Variants in KIAA0825 observed in about 807,000 individuals in gnomAD.
The protein encoded by KIAA0825 is uncharacterized protein KIAA0825.
A neutral mutation model predicts 147.6 loss-of-function variants in KIAA0825; 119 were observed. The observed-to-expected ratio is 0.81, with a 90% CI of 0.69 to 0.94. The LOEUF (loss-of-function observed/expected upper bound fraction) is 0.94, where lower values mean the gene tolerates loss of function less well. KIAA0825 is among the 40% of genes least tolerant of loss of function. The pLI, the probability that KIAA0825 is intolerant of heterozygous loss-of-function variation, is 0.00. For synonymous variants in KIAA0825, 470 were observed against 518.1 expected, an observed-to-expected ratio of 0.91 and a Z score of 1.26; for missense variants, 1,381 against 1,472.7, an observed-to-expected ratio of 0.94 and a Z score of 1.02.
At chr5:94,456,243 C>A (rs1759091983) in intron 12 of KIAA0825, among the ~76,000 whole-genome samples, 2 of 152,150 alleles carry the variant, frequency 1.3e-5, no homozygotes, top group South Asian at 4.1e-4. Context: ...CCCTATTTGT[C>A]TAGTTATCTG....
At chr5:94,354,212 T>C (rs903910631) in intron 20 of KIAA0825, among the ~76,000 whole-genome samples, 1 of 152,164 alleles carries the variant, frequency 6.6e-6, no homozygotes, top group Non-Finnish European at 1.5e-5. Context: ...ATATACAACA[T>C]TGTAGAAATA....
chr5:94,234,370 C>CA (rs1444986040), intron 20 of KIAA0825, among the ~76,000 whole-genome samples: 33 of 125,692 alleles, frequency 2.6e-4, no homozygotes, highest in South Asian at 9.7e-4. Context: ...GACTCCGTCT[C>CA]AAAAAAAAAT....
intron 1 of KIAA0825, among the ~76,000 whole-genome samples, chr5:94,611,697 G>A (rs1788841213): frequency 6.8e-6 from 1 of 148,108 alleles, no homozygotes; most frequent in Non-Finnish European, 1.5e-5. Context: ...TGTAATCCCA[G>A]CACTTTGGGA....
chr5:94,458,102 T>C (rs1394463101), intron 12 of KIAA0825, among the ~76,000 whole-genome samples: 1 of 152,182 alleles, frequency 6.6e-6, no homozygotes, highest in Non-Finnish European at 1.5e-5. Context: ...CACAGACAAC[T>C]ACCTATGAAT....
chr5:94,563,463 CA>C (rs1420131861), intron 2 of KIAA0825, among the ~76,000 whole-genome samples: 2 of 151,904 alleles, frequency 1.3e-5, no homozygotes, highest in African/African-American at 4.8e-5. Flanking sequence ...GACAGGTTAT[CA>C]AAGTCCACTC....
intron 16 of KIAA0825, among the ~76,000 whole-genome samples, chr5:94,402,177 C>A (rs960806053): frequency 1.3e-5 from 2 of 152,112 alleles, no homozygotes; most frequent in Non-Finnish European, 2.9e-5. Context: ...AAAACTTTAA[C>A]AACTGGTATC....
chr5:94,200,841 C>T (rs930483512), intron 20 of KIAA0825, among the ~76,000 whole-genome samples: 9 of 151,200 alleles, frequency 6.0e-5, no homozygotes, highest in South Asian at 2.1e-4. Context: ...TTTATGTTGA[C>T]GCTCCTTTTT....
intron 20 of KIAA0825, among the ~76,000 whole-genome samples, chr5:94,213,737 C>A (rs1043841312): frequency 6.6e-6 from 1 of 152,206 alleles, no homozygotes; most frequent in Non-Finnish European, 1.5e-5. Flanking sequence ...TTCACCTTCA[C>A]ATCTCTGCCC....
At chr5:94,341,984 G>C (rs990958243) in intron 20 of KIAA0825, among the ~76,000 whole-genome samples, 1 of 152,134 alleles carries the variant, frequency 6.6e-6, no homozygotes, top group Non-Finnish European at 1.5e-5. Context: ...ATGAGGTCAG[G>C]AGATCGAGAC....
intron 20 of KIAA0825, among the ~76,000 whole-genome samples, chr5:94,371,694 T>C (rs539819780): frequency 6.6e-6 from 1 of 152,222 alleles, no homozygotes; most frequent in Non-Finnish European, 1.5e-5. Context: ...GAAACTAAAA[T>C]TCAAGATGAG....
chr5:94,489,571 A>T lies in KIAA0825; in HGVS notation c.971-4641T>A, dbSNP rs771994651. 4.6e-5 allele frequency among the ~76,000 whole-genome samples: 6 copies of T among 129,444 alleles called. No homozygotes were observed. The East Asian group carries it at 6.4e-4, about 14-fold the overall frequency. 84.9% of individuals were successfully genotyped at this position (129,444 alleles called of 152,430 possible). A position where few individuals can be genotyped will look rare whatever the true frequency, so the allele number is the denominator to read the frequency against. On this transcript the variant is annotated intron_variant, in intron 5 of 20. Coordinates refer to ENST00000682413, the MANE Select transcript of KIAA0825 (RefSeq NM_001145678.3). ...CTATTGCATAAAACACCAGTGACTTAAAAAAAAAAAAAAAAACAAACTCCA... is the reference window on the plus strand; with the variant it reads ...CTATTGCATAAAACACCAGTGACTTTAAAAAAAAAAAAAAAACAAACTCCA...
intron 5 of KIAA0825, among the ~76,000 whole-genome samples, chr5:94,503,890 C>T (rs970587997): frequency 2.6e-5 from 4 of 152,140 alleles, no homozygotes; most frequent in African/African-American, 9.7e-5. Context: ...TCAGAGTGCT[C>T]AGAGCTAGAC....
intron 20 of KIAA0825, among the ~76,000 whole-genome samples, chr5:94,343,715 GA>G (rs1254396776): frequency 6.6e-6 from 1 of 151,978 alleles, no homozygotes; most frequent in Non-Finnish European, 1.5e-5. Flanking sequence ...AAAAGAAAGT[GA>G]AAAGGCAAGC....
At chr5:94,226,538 A>T (rs1299470291) in intron 20 of KIAA0825, among the ~76,000 whole-genome samples, 2 of 152,176 alleles carry the variant, frequency 1.3e-5, no homozygotes, top group African/African-American at 4.8e-5. Flanking sequence ...AGGATTATAA[A>T]TCATGCTGCT....
intron 16 of KIAA0825, among the ~76,000 whole-genome samples, chr5:94,401,044 T>G (rs1298447204): frequency 1.3e-5 from 2 of 152,104 alleles, no homozygotes; most frequent in Non-Finnish European, 2.9e-5. Flanking sequence ...GAACCATGAT[T>G]ATATATCACT....
In KIAA0825 at chr5:94,493,387, A is replaced by T. The variant is rs550597400; in HGVS notation, c.971-8457T>A. On this transcript the variant is annotated intron_variant, in intron 5 of 20. Coordinates refer to ENST00000682413, the MANE Select transcript of KIAA0825 (RefSeq NM_001145678.3). ...GTCACCCTTTCAGGAATTTAGACAA[A>T]TACACTGATTAGCACAAAGTAGCAA... Among the ~76,000 whole-genome samples the T allele has an allele frequency of 5.3e-5, 8 of 152,370 alleles. No homozygotes were observed. In the South Asian group the frequency reaches 1.7e-3, roughly 32 times the overall value.
At chr5:94,493,750 A>G (rs1001055418) in intron 5 of KIAA0825, among the ~76,000 whole-genome samples, 3 of 152,058 alleles carry the variant, frequency 2.0e-5, no homozygotes, top group African/African-American at 7.2e-5. Context: ...GGCCTCCCAA[A>G]GTGCTGGGAT....
In KIAA0825 at chr5:94,152,846, AAAAAAAAAATTATATATAT is replaced by A. The variant is rs1562283985; in HGVS notation, c.*1142_*1160del. 3.9e-4 allele frequency: 14 copies of A among 36,186 alleles called. No homozygotes were observed. Among genetic ancestry groups the A allele is most frequent in the African/African-American group, 7.9e-4 (8 of 10,174 alleles). 2.2% of individuals were successfully genotyped at this position (36,186 alleles called of 1,614,324 possible). ...GAAAAAAAAAAAAAAAAAAAAAAAA[AAAAAAAAAATTATATATAT>A]ATATATATATATATATATATATATA... On this transcript the variant is annotated 3_prime_UTR_variant, in exon 21 of 21. Transcript: ENST00000682413.
chr5:94,546,628 TTACCAAGGTGG>T (rs1242464761), intron 2 of KIAA0825, among the ~76,000 whole-genome samples: 2 of 151,822 alleles, frequency 1.3e-5, no homozygotes, highest in African/African-American at 2.4e-5. Context: ...ATATCAAAGA[TTACCAAGGTGG>T]TACCTCTATA....
Sources: allele counts gnomAD v4.1 joint callset (sites outside exome capture counted in the v4.1 genomes callset), GRCh38; gene constraint gnomAD v4.1.1; transcripts MANE v1.5; gene names NCBI Gene and HGNC (gene_info 2026-07-23, HGNC 2026-07-21).